EDIL3: variants seen among roughly 807,000 people sequenced by gnomAD.
The protein encoded by EDIL3 is EGF-like repeat and discoidin I-like domain-containing protein 3.
Under a neutral mutation model 67.4 loss-of-function variants are expected in EDIL3, and 37 were observed. The observed-to-expected ratio is 0.55, with a 90% CI of 0.42 to 0.72. The LOEUF (loss-of-function observed/expected upper bound fraction) is 0.72, where lower values mean the gene tolerates loss of function less well. Among genes scored for constraint, EDIL3 ranks in the 30% least tolerant of loss-of-function variants. The pLI is 0.00. For synonymous variants in EDIL3, 195 were observed against 196.3 expected (o/e 0.99, Z 0.05); for missense variants, 527 against 586.3 (o/e 0.90, Z 1.04).
intron 4 of EDIL3, among the ~76,000 whole-genome samples, chr5:84,150,147 G>A (rs1043143374): frequency 1.3e-5 from 2 of 152,040 alleles, no homozygotes; most frequent in East Asian, 3.9e-4. Context: ...TATTACAAAA[G>A]ACATCAAAAT....
chr5:84,282,219 T>C (rs1251924579), intron 1 of EDIL3, among the ~76,000 whole-genome samples: 1 of 152,130 alleles, frequency 6.6e-6, no homozygotes, highest in African/African-American at 2.4e-5. Flanking sequence ...TGTAAGTCTC[T>C]GTGTGCCCCT....
intron 4 of EDIL3, among the ~76,000 whole-genome samples, chr5:84,140,051 T>C (rs1456138507): frequency 2.6e-5 from 4 of 152,126 alleles, no homozygotes; most frequent in African/African-American, 9.7e-5. Context: ...TTTTTGGCAA[T>C]GAACATTTGG....
rs143606939 is a variant in EDIL3 at position 84,097,042 on chromosome 5, T to C, written c.651+9607A>G. ...CCAGCCATGTGGAACTGTAAGTCCA[T>C]TAAACCTCTTTCTTTTGTAAATTGC... On this transcript the variant is annotated intron_variant, in intron 6 of 10. Coordinates refer to ENST00000296591, the MANE Select transcript of EDIL3 (RefSeq NM_005711.5). Among the ~76,000 whole-genome samples, 140 of 152,280 alleles carry C rather than the reference T, an allele frequency of 9.2e-4. 1 individual carries two copies. The highest frequency in any genetic ancestry group is 1.3e-3 in the Non-Finnish European group (91 of 68,018).
At chr5:84,198,960 T>C (rs969953426) in intron 3 of EDIL3, among the ~76,000 whole-genome samples, 1 of 152,098 alleles carries the variant, frequency 6.6e-6, no homozygotes, top group Non-Finnish European at 1.5e-5. Flanking sequence ...GATAGGAGAT[T>C]AAGACCTCCG....
At chr5:83,959,122 T>C (rs1012547929) in intron 10 of EDIL3, among the ~76,000 whole-genome samples, 21 of 150,470 alleles carry the variant, frequency 1.4e-4, no homozygotes, top group African/African-American at 4.4e-4. Flanking sequence ...TTTTCTTCAG[T>C]TGACTTTTGG....
intron 9 of EDIL3, among the ~76,000 whole-genome samples, chr5:84,045,075 G>A (rs1339588941): frequency 6.6e-6 from 1 of 152,098 alleles, no homozygotes; most frequent in East Asian, 1.9e-4. Flanking sequence ...AGATGGCCAT[G>A]GGGAGAATGA....
At chr5:84,371,473 AGAGAAAGAG>A (rs1275842872) in intron 1 of EDIL3, among the ~76,000 whole-genome samples, 258 of 147,044 alleles carry the variant, frequency 1.8e-3, no homozygotes, top group African/African-American at 5.8e-3. Context: ...AGAGAGAGAG[AGAGAAAGAG>A]AGAGAGAGAG....
At chr5:84,148,006 C>A (rs185912901) in intron 4 of EDIL3, among the ~76,000 whole-genome samples, 1 of 152,020 alleles carries the variant, frequency 6.6e-6, no homozygotes, top group African/African-American at 2.4e-5. Context: ...AAAATGATGT[C>A]CTAAATGAGA....
chr5:84,014,442 T>G (rs1745565293), intron 9 of EDIL3, among the ~76,000 whole-genome samples: 1 of 152,112 alleles, frequency 6.6e-6, no homozygotes, highest in African/African-American at 2.4e-5. Context: ...CTCAGGAGTT[T>G]GAGACCAGCC....
At chr5:83,988,254 A>G (rs1421021659) in intron 9 of EDIL3, among the ~76,000 whole-genome samples, 3 of 152,188 alleles carry the variant, frequency 2.0e-5, no homozygotes, top group African/African-American at 7.2e-5. Flanking sequence ...ACAATAATGC[A>G]TAATTACAAA....
intron 1 of EDIL3, among the ~76,000 whole-genome samples, chr5:84,340,708 T>C (rs1747094337): frequency 6.6e-6 from 1 of 151,642 alleles, no homozygotes; most frequent in African/African-American, 2.4e-5. Context: ...GCACATACTT[T>C]AAAGGCATTA....
chr5:84,188,954 A>C (rs1345835319), intron 3 of EDIL3, among the ~76,000 whole-genome samples: 2 of 152,062 alleles, frequency 1.3e-5, no homozygotes, highest in Non-Finnish European at 2.9e-5. Context: ...ATAAGGTTGT[A>C]TTCAGGGTTC....
Position 84,205,141 on chromosome 5 carries a change from C to G in EDIL3, c.227-24620G>C, listed in dbSNP as rs6865425. ...TTGTTGCCCAGGCTAGTCTCAAAAT[C>G]CTGGGCCCAACTGATCCTCCCGCCT... On this transcript the variant is annotated intron_variant, in intron 3 of 10. Transcript: ENST00000296591. 5.8e-3 allele frequency among the ~76,000 whole-genome samples: 870 copies of G among 150,272 alleles called. 6 individuals carry two copies. The highest frequency in any genetic ancestry group is 9.3e-3 in the Admixed American group (141 of 15,094).
chr5:83,991,568 G>A (rs550400579), intron 9 of EDIL3, among the ~76,000 whole-genome samples: 5 of 152,076 alleles, frequency 3.3e-5, no homozygotes, highest in African/African-American at 1.2e-4. Flanking sequence ...AATCTTACTC[G>A]CTAGGCCATT....
chr5:84,132,426 TTA>T, intron 5 of EDIL3, among the ~76,000 whole-genome samples: 1 of 116,294 alleles, frequency 8.6e-6, no homozygotes, highest in African/African-American at 3.6e-5. Context: ...ATTATATATT[TTA>T]TATATAATAT....
intron 4 of EDIL3, among the ~76,000 whole-genome samples, chr5:84,141,493 A>C (rs1323025409): frequency 6.8e-6 from 1 of 147,042 alleles, no homozygotes; most frequent in Non-Finnish European, 1.5e-5. Flanking sequence ...TCATAATTAT[A>C]TATATTATAT....
chr5:84,357,441 G>A (rs1438915254), intron 1 of EDIL3, among the ~76,000 whole-genome samples: 1 of 151,968 alleles, frequency 6.6e-6, no homozygotes, highest in African/African-American at 2.4e-5. Context: ...AAAGCAGATG[G>A]CCCATTTATC....
intron 1 of EDIL3, among the ~76,000 whole-genome samples, chr5:84,377,076 C>T (rs1250594475): frequency 2.0e-5 from 3 of 152,134 alleles, no homozygotes; most frequent in African/African-American, 7.2e-5. Flanking sequence ...CCTGTAATCC[C>T]AGCACTTTGG....
chr5:84,142,444 T>C (rs989312621), intron 4 of EDIL3, among the ~76,000 whole-genome samples: 9 of 151,994 alleles, frequency 5.9e-5, no homozygotes, highest in African/African-American at 2.2e-4. Context: ...TGGCTCACCT[T>C]TGCAATCTGC....
Sources: allele counts gnomAD v4.1 joint callset (sites outside exome capture counted in the v4.1 genomes callset), GRCh38; gene constraint gnomAD v4.1.1; transcripts MANE v1.5; gene names NCBI Gene and HGNC (gene_info 2026-07-23, HGNC 2026-07-21).